The following DNAH11 variants were observed in gnomAD, a reference collection of about 807,000 sequenced individuals.
The protein encoded by DNAH11 is dynein axonemal heavy chain 11, also known as axonemal beta dynein heavy chain 11.
A neutral mutation model predicts 526.0 loss-of-function variants in DNAH11; 442 were observed. The ratio of observed to expected loss-of-function variants is 0.84; its 90% CI spans 0.78 to 0.91. The LOEUF (loss-of-function observed/expected upper bound fraction) is 0.91, where lower values mean the gene tolerates loss of function less well. Among genes scored for constraint, DNAH11 ranks in the 40% least tolerant of loss-of-function variants. The pLI, the probability that DNAH11 is intolerant of heterozygous loss-of-function variation, is 0.00. For missense variants in DNAH11, 6,989 were observed against 5,448.7 expected (o/e 1.28, Z -8.90); for synonymous variants, 2,461 against 1,935.9 (o/e 1.27, Z -7.12).
intron 74 of DNAH11, 28 bp from the exon 75 acceptor site, chr7:21,880,674 A>G (rs1035126487): frequency 1.4e-5 from 22 of 1,611,838 alleles, no homozygotes; most frequent in Non-Finnish European, 1.9e-5. Flanking sequence ...CAGATGGATA[A>G]TCAAGCATTT....
chr7:21,816,800 T>G (rs550571893), intron 64 of DNAH11, 98 bp downstream of exon 64: 3 of 918,540 alleles, frequency 3.3e-6, no homozygotes, highest in Admixed American at 2.3e-5. Flanking sequence ...CTCCACCACA[T>G]TGATGTATTA....
At chr7:21,588,729 A>G in intron 11 of DNAH11, 93 bp downstream of exon 11, 2 of 1,434,534 alleles carry the variant, frequency 1.4e-6, no homozygotes, top group Non-Finnish European at 1.9e-6. Flanking sequence ...AGCACTTAGG[A>G]AGCCATTGCC....
At chr7:21,733,230 T>G (rs975778986) in intron 45 of DNAH11, among the ~76,000 whole-genome samples, 1 of 152,108 alleles carries the variant, frequency 6.6e-6, no homozygotes, top group Non-Finnish European at 1.5e-5. Context: ...GTACTAAAAA[T>G]ACAAAAAATT....
In DNAH11 at chr7:21,619,096, T is replaced by G. The variant is rs1209518648; in HGVS notation, c.4255-4T>G. 6.2e-7 allele frequency: 1 copy of G among 1,613,354 alleles called. No homozygotes were observed. Among genetic ancestry groups the G allele is most frequent in the Admixed American group, 1.7e-5 (1 of 59,944 alleles). On this transcript the variant is annotated splice_region_variant and splice_polypyrimidine_tract_variant and intron_variant, in intron 23 of 81. Transcript: ENST00000409508. ...TAAAGTCTAACTTTTTTTCCCCCAA[T>G]CAGGTCAAGTTTTTAATAAATGAAG...
chr7:21,864,748 G>A lies in DNAH11; in HGVS notation c.11496+91G>A, dbSNP rs1783208210. The A allele has an allele frequency of 1.1e-5, 14 of 1,254,024 alleles. No homozygotes were observed. The South Asian group carries it at 2.7e-4, about 24-fold the overall frequency. The allele number at this position is 1,254,024 out of a possible 1,614,324, so 77.7% of individuals were successfully genotyped here. A position where few individuals can be genotyped will look rare whatever the true frequency, so the allele number is the denominator to read the frequency against. On this transcript the variant is annotated intron_variant, in intron 70 of 81. Transcript: ENST00000409508. ...GAAATGTAAACATTAAAGAATACAG[G>A]TGATGTATTAAGCACCATTTCAGTT...
chr7:21,863,791 C>G (rs1783166927), intron 69 of DNAH11, among the ~76,000 whole-genome samples: 1 of 152,040 alleles, frequency 6.6e-6, no homozygotes, highest in Admixed American at 6.5e-5. Context: ...TTGAAATAAA[C>G]TCAAGAAAAA....
At chr7:21,685,639 C>G (rs920862681) in intron 32 of DNAH11, among the ~76,000 whole-genome samples, 5 of 152,100 alleles carry the variant, frequency 3.3e-5, no homozygotes, top group African/African-American at 1.2e-4. Flanking sequence ...GGTTCAGAGA[C>G]TTAAGTCAAC....
intron 51 of DNAH11, among the ~76,000 whole-genome samples, chr7:21,747,930 T>G (rs1270521573): frequency 6.6e-6 from 1 of 152,252 alleles, no homozygotes; most frequent in Non-Finnish European, 1.5e-5. Context: ...TTCGGATCTT[T>G]CTTGCTAATC....
chr7:21,637,170 C>G (rs1786900512), intron 26 of DNAH11, among the ~76,000 whole-genome samples: 1 of 152,054 alleles, frequency 6.6e-6, no homozygotes, highest in South Asian at 2.1e-4. Context: ...TGGGCGCTCT[C>G]TCATTCTCTG....
At position 21,894,764 on chromosome 7, in the gene DNAH11, G is replaced by A. The variant is rs749727543; in HGVS notation, c.12892G>A (p.Glu4298Lys). Residue 4298 changes from glutamate (E) to lysine (K), a missense_variant, in exon 78 of 82, where the codon GAA (glutamate) becomes AAA (lysine). Physicochemically the swap from Glu to Lys is moderately conservative, Grantham distance 56. Coordinates refer to ENST00000409508, the MANE Select transcript of DNAH11 (RefSeq NM_001277115.2). ...ECERMNILIR[E>K]IRISLEQLDL... The stretch of plus-strand genomic sequence containing the variant: ...TGAGAGGATGAATATTCTCATTCGG[G>A]AAATACGTATATCACTTGAACAACT... 46 of 1,612,318 alleles carry A rather than the reference G, an allele frequency of 2.9e-5. No individual in the cohort carries two copies. Among genetic ancestry groups the A allele is most frequent in the Non-Finnish European group, 3.7e-5 (44 of 1,179,344 alleles).
intron 65 of DNAH11, among the ~76,000 whole-genome samples, chr7:21,830,126 A>G (rs1337962362): frequency 6.6e-6 from 1 of 152,234 alleles, no homozygotes; most frequent in East Asian, 1.9e-4. Context: ...GTTAATTTAT[A>G]GATGATACGT....
intron 30 of DNAH11, among the ~76,000 whole-genome samples, chr7:21,673,717 A>G (rs1782737766): frequency 6.6e-6 from 1 of 151,876 alleles, no homozygotes; most frequent in South Asian, 2.1e-4. Flanking sequence ...AAAATTGTCC[A>G]CTCATGCCAC....
At chr7:21,677,385 C>CT (rs1782937830) in intron 30 of DNAH11, among the ~76,000 whole-genome samples, 1 of 151,872 alleles carries the variant, frequency 6.6e-6, no homozygotes, top group East Asian at 1.9e-4. Flanking sequence ...GATCAGTAAT[C>CT]TTTTTTTATT....
At chr7:21,756,567 G>C in intron 54 of DNAH11, among the ~76,000 whole-genome samples, 1 of 152,112 alleles carries the variant, frequency 6.6e-6, no homozygotes, top group East Asian at 1.9e-4. Context: ...AAAATTCAAT[G>C]AAAATTGAAT....
chr7:21,848,677 A>C (rs75855034), intron 66 of DNAH11, among the ~76,000 whole-genome samples: 2,400 of 152,038 alleles, frequency 0.016, 60 homozygotes, highest in African/African-American at 0.054. Flanking sequence ...AACATGATGT[A>C]TGTATTTTGT....
At chr7:21,900,893 C>CAAAAATATGACAAAACCAGAATGTTGA (rs1554294349) in intron 81 of DNAH11, 114 bp from the exon 82 acceptor site, 146 of 1,470,504 alleles carry the variant, frequency 9.9e-5, no homozygotes, top group Non-Finnish European at 1.3e-4. Flanking sequence ...CACTGACAAG[C>CAAAAATATGACAAAACCAGAATGTTGA]AAAAATATGA....
At chr7:21,547,677 C>T (rs1342632508) in intron 2 of DNAH11, among the ~76,000 whole-genome samples, 1 of 152,306 alleles carries the variant, frequency 6.6e-6, no homozygotes, top group Non-Finnish European at 1.5e-5. Context: ...TTTATCATGA[C>T]TTTCTACATG....
At position 21,601,545 on chromosome 7, in the gene DNAH11, C is replaced by T; in HGVS notation, c.3575C>T (p.Pro1192Leu). The T allele has an allele frequency of 6.2e-7, 1 of 1,612,530 alleles. No homozygotes were observed. Among genetic ancestry groups the T allele is most frequent in the South Asian group, 1.1e-5 (1 of 90,906 alleles). The change falls in exon 18 of 82, where the codon CCT (proline) becomes CTT (leucine). Residue 1192 changes from proline to leucine, a missense_variant. Transcript: ENST00000409508. ...AGAGCTACTGATGAACTCTTTGAAC[C>T]TCTAAAAGAAACGATCACCCTCTTG... ...RQRATDELFE[P>L]LKETITLLES...
chr7:21,892,353 C>CT (rs1784354313), intron 76 of DNAH11, 72 bp from the exon 77 acceptor site: 1 of 1,541,156 alleles, frequency 6.5e-7, no homozygotes, highest in Non-Finnish European at 8.7e-7. Flanking sequence ...AGGGTCTTCT[C>CT]GAAGTGTTGA....
Sources: gnomAD v4.1 joint callset for allele counts (sites outside exome capture counted in the v4.1 genomes callset) on GRCh38, gnomAD v4.1.1 for gene constraint, MANE v1.5 for transcripts, NCBI Gene and HGNC (gene_info 2026-07-23, HGNC 2026-07-21) for gene names.